PRUNE2: variants seen among roughly 807,000 people sequenced by gnomAD.
PRUNE2 encodes prune homolog 2 with BCH domain.
PRUNE2 carries 164 observed loss-of-function variants against 252.0 expected under a neutral mutation model. That is an observed-to-expected ratio of 0.65 (90% CI 0.57 to 0.74). The LOEUF (loss-of-function observed/expected upper bound fraction) is 0.74, where lower values mean the gene tolerates loss of function less well. Ranked by LOEUF, PRUNE2 falls within the 30% of genes least tolerant of loss-of-function variation. The pLI, the probability that PRUNE2 is intolerant of heterozygous loss-of-function variation, is 0.00. For missense variants in PRUNE2, 3,495 were observed against 3,711.0 expected (o/e 0.94, Z 1.51); for synonymous variants, 1,292 against 1,350.2 (o/e 0.96, Z 0.94).
rs1244542125 is a variant in PRUNE2, at chr9:76,734,169, A to G, written c.757-20448T>C. On this transcript the variant is annotated intron_variant, in intron 6 of 18. Coordinates refer to ENST00000376718, the MANE Select transcript of PRUNE2 (RefSeq NM_015225.3). ...AAAAGGACCTCCCTGGAGGTTCCACAGAAGATCTCCCCTCCTTCTGTGGAA... is the reference window on the plus strand; with the variant it reads ...AAAAGGACCTCCCTGGAGGTTCCACGGAAGATCTCCCCTCCTTCTGTGGAA... 2.0e-5 allele frequency among the ~76,000 whole-genome samples: 3 copies of G among 152,138 alleles called. No homozygotes were observed. The East Asian group carries it at 5.8e-4, about 29-fold the overall frequency.
chr9:76,875,654 A>G (rs967321188), intron 1 of PRUNE2, among the ~76,000 whole-genome samples: 19 of 152,282 alleles, frequency 1.2e-4, no homozygotes, highest in Middle Eastern at 3.4e-3. Flanking sequence ...GTGAGCCACC[A>G]TGCCCAGCCG....
rs146781154 is a variant in PRUNE2 at position 76,750,545 on chromosome 9, G to C, written c.757-36824C>G. Among the ~76,000 whole-genome samples the C allele has an allele frequency of 1.8e-3, 267 of 152,294 alleles. 1 individual carries two copies. Among genetic ancestry groups the C allele is most frequent in the African/African-American group, 6.2e-3 (258 of 41,552 alleles). Reference sequence around the variant, plus strand: ...CCCTGTCAGGGCCACAGCTTGCAGGGCCTGAAATCCAGTTCACAATCCCAG... The same window carrying C: ...CCCTGTCAGGGCCACAGCTTGCAGGCCCTGAAATCCAGTTCACAATCCCAG... On this transcript the variant is annotated intron_variant, in intron 6 of 18. Transcript: ENST00000376718.
intron 1 of PRUNE2, among the ~76,000 whole-genome samples, chr9:76,876,005 G>T (rs1417897963): frequency 1.3e-5 from 2 of 152,172 alleles, no homozygotes; most frequent in Non-Finnish European, 1.5e-5. Flanking sequence ...AAGCTCCCCA[G>T]GTGAATGCAA....
At chr9:76,727,733 G>C (rs1416888391) in intron 6 of PRUNE2, among the ~76,000 whole-genome samples, 2 of 21,116 alleles carry the variant, frequency 9.5e-5, no homozygotes, top group Non-Finnish European at 1.8e-4. Flanking sequence ...TTTTTTTTTT[G>C]AAACAGGGTC....
chr9:76,847,093 G>A (rs898187368), intron 3 of PRUNE2, among the ~76,000 whole-genome samples: 15 of 152,150 alleles, frequency 9.9e-5, no homozygotes, highest in Admixed American at 9.8e-4. Flanking sequence ...TTGGGAGGCC[G>A]AAGCAGGCGA....
intron 15 of PRUNE2, among the ~76,000 whole-genome samples, chr9:76,631,548 T>C (rs1176741986): frequency 6.6e-6 from 1 of 152,168 alleles, no homozygotes; most frequent in Non-Finnish European, 1.5e-5. Context: ...CAAGATGCAA[T>C]TGTATCCTGT....
intron 6 of PRUNE2, chr9:76,759,106 C>G (rs551636990): frequency 1.3e-5 from 2 of 152,270 alleles, no homozygotes; most frequent in Admixed American, 1.3e-4. Context: ...AGTTACAGTC[C>G]CCTCGAGGTA....
intron 6 of PRUNE2, among the ~76,000 whole-genome samples, chr9:76,807,916 G>A (rs913373410): frequency 2.6e-5 from 4 of 152,194 alleles, no homozygotes; most frequent in Admixed American, 1.3e-4. Flanking sequence ...GGTGGCTCAC[G>A]CCTGTAATCC....
At chr9:76,852,806 G>GTCTATCA (rs2060034851) in intron 2 of PRUNE2, among the ~76,000 whole-genome samples, 3 of 76,478 alleles carry the variant, frequency 3.9e-5, no homozygotes, top group Admixed American at 2.4e-4. Context: ...CTGTCTGTCT[G>GTCTATCA]TCTATCTATC....
intron 9 of PRUNE2, among the ~76,000 whole-genome samples, chr9:76,689,512 C>T (rs907721305): frequency 1.3e-5 from 2 of 152,024 alleles, no homozygotes; most frequent in South Asian, 2.1e-4. Context: ...CATGCCACCA[C>T]ATTCAGCTAA....
chr9:76,628,428 G>A (rs939178390), intron 16 of PRUNE2, among the ~76,000 whole-genome samples: 5 of 152,144 alleles, frequency 3.3e-5, no homozygotes, highest in Non-Finnish European at 4.4e-5. Context: ...AACAAAAAAG[G>A]TTTAGAAGAA....
intron 6 of PRUNE2, among the ~76,000 whole-genome samples, chr9:76,722,501 A>G (rs2047735344): frequency 1.3e-5 from 2 of 152,222 alleles, no homozygotes; most frequent in Non-Finnish European, 2.9e-5. Context: ...ATCATTCTTT[A>G]TAGCTAAAAA....
chr9:76,793,674 G>A (rs955589574), intron 6 of PRUNE2, among the ~76,000 whole-genome samples: 4 of 151,766 alleles, frequency 2.6e-5, no homozygotes, highest in African/African-American at 9.7e-5. Flanking sequence ...AATCATAGAA[G>A]TTTTTACTCA....
intron 9 of PRUNE2, among the ~76,000 whole-genome samples, chr9:76,669,622 G>A (rs185468950): frequency 1.9e-4 from 29 of 152,208 alleles, no homozygotes; most frequent in Admixed American, 1.8e-3. Flanking sequence ...GCCCAGCCTC[G>A]AATGTTGTTT....
Position 76,636,544 on chromosome 9 carries a change from A to T in PRUNE2, c.8977T>A (p.Leu2993Met). 1 of 1,548,310 alleles carries T rather than the reference A, an allele frequency of 6.5e-7. No individual in the cohort carries two copies. The highest frequency in any genetic ancestry group is 8.8e-7 in the Non-Finnish European group (1 of 1,141,442). The change falls in exon 15 of 19, where the codon TTG (leucine) becomes ATG (methionine). Residue 2993 changes from leucine to methionine, a missense_variant. Leu to Met is a conservative substitution (Grantham distance 15, BLOSUM62 2). Coordinates refer to ENST00000376718, the MANE Select transcript of PRUNE2 (RefSeq NM_015225.3). ...GGATGAACAATGATGAATGATTTCA[A>T]ATTCTTCCTCAACCTATTTTGAAAA... ...QMIDRRLRKN[L>M]KSFIIVHPSW...
chr9:76,753,415 A>G (rs1353707774), intron 6 of PRUNE2, among the ~76,000 whole-genome samples: 1 of 152,180 alleles, frequency 6.6e-6, no homozygotes, highest in Non-Finnish European at 1.5e-5. Flanking sequence ...CCATCTGCTT[A>G]TGTAGGCCTG....
intron 6 of PRUNE2, chr9:76,823,130 A>G (rs1275129573): frequency 6.6e-6 from 1 of 152,524 alleles, no homozygotes; most frequent in Non-Finnish European, 1.5e-5. Context: ...TGAGCCATTC[A>G]GTTAACAGTT....
At position 76,705,061 on chromosome 9, in the gene PRUNE2, C is replaced by A; in HGVS notation, c.7213G>T (p.Ala2405Ser). ...TCCTCTATTGTTTCAGCACTCTGGGCAGGTTCTGTGAGATAAGACAAATCA... is the reference window on the plus strand; with the variant it reads ...TCCTCTATTGTTTCAGCACTCTGGGAAGGTTCTGTGAGATAAGACAAATCA... Reference protein sequence around the residue: ...PFDLSYLTEPAQSAETIEEAG... With the variant: ...PFDLSYLTEPSQSAETIEEAG... Residue 2405 changes from alanine (A) to serine (S), a missense_variant, in exon 8 of 19, where the codon GCC becomes TCC. Coordinates refer to ENST00000376718, the MANE Select transcript of PRUNE2 (RefSeq NM_015225.3). The A allele has an allele frequency of 1.2e-6, 2 of 1,614,000 alleles. No homozygotes were observed. The highest frequency in any genetic ancestry group is 1.7e-6 in the Non-Finnish European group (2 of 1,179,894).
intron 7 of PRUNE2, among the ~76,000 whole-genome samples, 191 bp from the exon 8 acceptor site, chr9:76,711,549 G>GTC (rs1312758641): frequency 1.3e-5 from 2 of 152,150 alleles, no homozygotes; most frequent in African/African-American, 4.8e-5. Context: ...CTATCCAACT[G>GTC]TCTCTCTGTT....
Sources: gnomAD v4.1 joint callset for allele counts (sites outside exome capture counted in the v4.1 genomes callset) on GRCh38, gnomAD v4.1.1 for gene constraint, MANE v1.5 for transcripts, NCBI Gene and HGNC (gene_info 2026-07-23, HGNC 2026-07-21) for gene names.